Variants in SMAD7 observed in about 807,000 individuals in gnomAD.
The protein encoded by SMAD7 is MAD (mothers against decapentaplegic, Drosophila) homolog 7.
Under a neutral mutation model 38.7 loss-of-function variants are expected in SMAD7, and 8 were observed. That is an observed-to-expected ratio of 0.21 (90% CI 0.12 to 0.37). The LOEUF (loss-of-function observed/expected upper bound fraction) is 0.37, where lower values mean the gene tolerates loss of function less well. Among genes scored for constraint, SMAD7 ranks in the 10% least tolerant of loss-of-function variants. The pLI, the probability that SMAD7 is intolerant of heterozygous loss-of-function variation, is 1.00. For synonymous variants in SMAD7, 327 were observed against 265.1 expected (o/e 1.23, Z -2.27); for missense variants, 477 against 577.9 (o/e 0.83, Z 1.79).
At chr18:48,942,786 TC>T in intron 2 of SMAD7, 2 of 1,376,820 alleles carry the variant, frequency 1.5e-6, no homozygotes, top group Non-Finnish European at 1.9e-6. Context: ...TAATCATTAC[TC>T]GAGTCAGGCT....
chr18:48,923,527 C>G (rs372065138), intron 3 of SMAD7, among the ~76,000 whole-genome samples: 1 of 152,114 alleles, frequency 6.6e-6, no homozygotes, highest in Non-Finnish European at 1.5e-5. Flanking sequence ...AGGTGCCCGT[C>G]AGTAAGGCCA....
intron 3 of SMAD7, among the ~76,000 whole-genome samples, chr18:48,941,382 C>A (rs2070137849): frequency 6.6e-6 from 1 of 152,220 alleles, no homozygotes; most frequent in East Asian, 1.9e-4. Flanking sequence ...ACGTTCTCAG[C>A]AAGCTCAGTT....
intron 3 of SMAD7, among the ~76,000 whole-genome samples, chr18:48,927,204 A>T (rs1404702091): frequency 6.6e-6 from 1 of 152,222 alleles, no homozygotes; most frequent in East Asian, 1.9e-4. Context: ...ACTGCGAGTT[A>T]ATCAGAAAAC....
intron 2 of SMAD7, among the ~76,000 whole-genome samples, chr18:48,943,186 G>GGGGAA (rs1358024086): frequency 5.9e-5 from 9 of 152,140 alleles, no homozygotes; most frequent in African/African-American, 2.2e-4. Flanking sequence ...CCGAGCCGGA[G>GGGGAA]GGGAAATGTT....
chr18:48,944,307 G>A (rs1599234724), intron 2 of SMAD7, among the ~76,000 whole-genome samples: 2 of 152,290 alleles, frequency 1.3e-5, no homozygotes, highest in Admixed American at 1.3e-4. Flanking sequence ...CAGGGGCAAG[G>A]TGTGTTTCAA....
At chr18:48,936,384 C>A (rs183854645) in intron 3 of SMAD7, among the ~76,000 whole-genome samples, 17 of 152,318 alleles carry the variant, frequency 1.1e-4, no homozygotes, top group Non-Finnish European at 2.4e-4. Context: ...AAATGTGCCA[C>A]CAATGGCATT....
rs1219107123 is a variant in SMAD7 at position 48,950,961 on chromosome 18, G to A, written c.-537C>T. On this transcript the variant is annotated 5_prime_UTR_variant, in exon 1 of 4. Coordinates refer to ENST00000262158, the MANE Select transcript of SMAD7 (RefSeq NM_005904.4). ...TTAATTTGGGGGTGGGGAGAAGCAGGCAATTAAAAAAAAAAAAGCAAGCGA... is the reference window on the plus strand; with the variant it reads ...TTAATTTGGGGGTGGGGAGAAGCAGACAATTAAAAAAAAAAAAGCAAGCGA... Among the ~76,000 whole-genome samples, 1 of 150,044 alleles carries A rather than the reference G, an allele frequency of 6.7e-6. No homozygotes were observed. Among genetic ancestry groups the A allele is most frequent in the South Asian group, 2.1e-4 (1 of 4,714 alleles).
At chr18:48,938,104 T>C (rs1238184822) in intron 3 of SMAD7, among the ~76,000 whole-genome samples, 1 of 152,244 alleles carries the variant, frequency 6.6e-6, no homozygotes, top group East Asian at 1.9e-4. Context: ...TTTCCTAAGC[T>C]ACTTGGTTTG....
At chr18:48,934,322 G>A (rs2070038017) in intron 3 of SMAD7, among the ~76,000 whole-genome samples, 3 of 152,088 alleles carry the variant, frequency 2.0e-5, no homozygotes, top group Admixed American at 1.3e-4. Context: ...AGGGGGACAC[G>A]GTGGCTTGAA....
At chr18:48,941,560 AC>A (rs1206029149) in intron 3 of SMAD7, among the ~76,000 whole-genome samples, 1 of 152,220 alleles carries the variant, frequency 6.6e-6, no homozygotes, top group Non-Finnish European at 1.5e-5. Context: ...AGCTGCTACC[AC>A]GTGATCCTAC....
chr18:48,948,546 G>T, intron 1 of SMAD7, 109 bp from the exon 2 acceptor site: 1 of 753,258 alleles, frequency 1.3e-6, no homozygotes, highest in Non-Finnish European at 2.1e-6. Context: ...TTAGCTGTGG[G>T]GGTTGGAGGC....
At chr18:48,932,053 G>C (rs971116675) in intron 3 of SMAD7, among the ~76,000 whole-genome samples, 1 of 152,186 alleles carries the variant, frequency 6.6e-6, no homozygotes, top group African/African-American at 2.4e-5. Context: ...GAACGGTATG[G>C]TGCACTCAGA....
intron 3 of SMAD7, among the ~76,000 whole-genome samples, chr18:48,939,066 C>A (rs915510525): frequency 3.3e-5 from 5 of 152,166 alleles, no homozygotes; most frequent in Non-Finnish European, 7.3e-5. Flanking sequence ...CCCACCCTAT[C>A]CCAGAGCCTG....
At chr18:48,934,051 G>A (rs1304529050) in intron 3 of SMAD7, among the ~76,000 whole-genome samples, 1 of 152,152 alleles carries the variant, frequency 6.6e-6, no homozygotes, top group East Asian at 1.9e-4. Context: ...TGTGTCATTA[G>A]AACAATGACA....
rs1411957566 is a variant in SMAD7, at chr18:48,921,629, T to C, written c.1024A>G (p.Ile342Val). The change falls in exon 4 of 4, where the codon ATC (isoleucine) becomes GTC (valine). Residue 342 changes from isoleucine (I) to valine (V), a missense_variant. Coordinates refer to ENST00000262158, the MANE Select transcript of SMAD7 (RefSeq NM_005904.4). This position sits in a 1 kb window ranked among gnomAD's most constrained non-coding sequence, Gnocchi z 6.4. ...GGGTTGTCCAGTGTGGCGGACTTGA[T>C]GAAGATGGGGTAACTGCTGCGGTTG... Reference protein sequence around the residue: ...VYNRSSYPIFIKSATLDNPDS... With the variant: ...VYNRSSYPIFVKSATLDNPDS... 1.2e-6 allele frequency: 2 copies of C among 1,612,892 alleles called. No individual in the cohort carries two copies. The highest frequency in any genetic ancestry group is 2.2e-5 in the East Asian group (1 of 44,842).
rs902696994 is a variant in SMAD7 at position 48,919,945 on chromosome 18, A to G, written c.*1427T>C. ...ATAACACCCATAGAAAAAAACACCA[A>G]TCTTGTGTTTATCTTTTTTAATTTG... On this transcript the variant is annotated 3_prime_UTR_variant, in exon 4 of 4. Coordinates refer to ENST00000262158, the MANE Select transcript of SMAD7 (RefSeq NM_005904.4). The G allele has an allele frequency of 2.0e-5, 3 of 152,550 alleles. No individual in the cohort carries two copies. Among genetic ancestry groups the G allele is most frequent in the Non-Finnish European group, 4.4e-5 (3 of 68,008 alleles). The allele number at this position is 152,550 out of a possible 1,614,324, so 9.4% of individuals were successfully genotyped here.
At chr18:48,935,380 G>A (rs550402027) in intron 3 of SMAD7, among the ~76,000 whole-genome samples, 16 of 152,316 alleles carry the variant, frequency 1.1e-4, no homozygotes, top group South Asian at 4.1e-4. Flanking sequence ...ATTCAATACC[G>A]AGCGAGAGGT....
At position 48,936,540 on chromosome 18, in the gene SMAD7, T is replaced by G. The variant is rs200591020; in HGVS notation, c.742+5941A>C. 5.9e-5 allele frequency among the ~76,000 whole-genome samples: 9 copies of G among 152,342 alleles called. No homozygotes were observed. The South Asian group carries it at 6.2e-4, about 11-fold the overall frequency. ...AAAACAGTGGACCATGTATAGTTAA[T>G]AATAGTTTTCTCTCAAATGTCTCTA... On this transcript the variant is annotated intron_variant, in intron 3 of 3. Coordinates refer to ENST00000262158, the MANE Select transcript of SMAD7 (RefSeq NM_005904.4).
At chr18:48,947,214 T>C (rs2070204880) in intron 2 of SMAD7, among the ~76,000 whole-genome samples, 2 of 152,218 alleles carry the variant, frequency 1.3e-5, no homozygotes, top group African/African-American at 2.4e-5. Context: ...GGGCCACTTA[T>C]TAGACCGGCA....
Sources: gnomAD v4.1 joint callset for allele counts (sites outside exome capture counted in the v4.1 genomes callset) on GRCh38, gnomAD v4.1.1 for gene constraint, Gnocchi (gnomAD v3.1) non-coding constraint, MANE v1.5 for transcripts, NCBI Gene and HGNC (gene_info 2026-07-23, HGNC 2026-07-21) for gene names.